CSTB: variants seen among roughly 807,000 people sequenced by gnomAD.
CSTB encodes cystatin B.
CSTB carries 8 observed loss-of-function variants against 7.6 expected under a neutral mutation model. The ratio of observed to expected loss-of-function variants is 1.05; its 90% CI spans 0.62 to 1.89. The LOEUF (loss-of-function observed/expected upper bound fraction) is 1.89. CSTB is among the 40% of genes most tolerant of loss of function. The probability of loss-of-function intolerance (pLI) is 0.00; values close to 1 mark genes in which losing one functional copy is unlikely to be tolerated. For synonymous variants in CSTB, 56 were observed against 55.3 expected, an observed-to-expected ratio of 1.01 and a Z score of -0.06; for missense variants, 124 against 126.4, an observed-to-expected ratio of 0.98 and a Z score of 0.09.
chr21:43,774,920 T>A, intron 1 of CSTB, 161 bp from the exon 2 acceptor site: 2 of 693,580 alleles, frequency 2.9e-6, no homozygotes, highest in African/African-American at 1.8e-5. Context: ...AGCCTAATAA[T>A]AAAGTAGAAA....
intron 2 of CSTB, 80 bp from the exon 3 acceptor site, chr21:43,774,410 GAA>G: frequency 6.2e-7 from 1 of 1,605,776 alleles, no homozygotes; most frequent in Admixed American, 1.7e-5. Context: ...GCAGCCAGCT[GAA>G]GACAATCTTG....
intron 1 of CSTB, 188 bp downstream of exon 1, chr21:43,776,016 A>G: frequency 2.0e-6 from 1 of 495,854 alleles, no homozygotes; most frequent in South Asian, 3.2e-5. Context: ...GCGGCGCCCC[A>G]GGCGCGGCCC....
At position 43,774,174 on chromosome 21, in the gene CSTB, G is replaced by A. The variant is rs1356378444; in HGVS notation, c.*28C>T. 3.1e-6 allele frequency: 5 copies of A among 1,614,122 alleles called. No homozygotes were observed. In the South Asian group the frequency reaches 4.4e-5, roughly 14 times the overall value. On this transcript the variant is annotated 3_prime_UTR_variant, in exon 3 of 3. Transcript: ENST00000291568. ...CGGAGGATGACTTTGTCAGTCTTCT[G>A]GCTGAAGGGCCTTGTCCAAAGTCAG...
Position 43,776,299 on chromosome 21 carries a change from G to A in CSTB, c.-30C>T, listed in dbSNP as rs1388604204. The A allele has an allele frequency of 6.6e-7, 1 of 1,516,938 alleles. No homozygotes were observed. Among genetic ancestry groups the A allele is most frequent in the Admixed American group, 2.0e-5 (1 of 48,980 alleles). 94.0% of individuals were successfully genotyped at this position (1,516,938 alleles called of 1,614,324 possible). A position where few individuals can be genotyped will look rare whatever the true frequency, so the allele number is the denominator to read the frequency against. Reference sequence around the variant, plus strand: ...GCGGCGACGGAGGGAATCTGGCGAGGGGACTCGGCGAGGGGACGCGGCGGC... The same window carrying A: ...GCGGCGACGGAGGGAATCTGGCGAGAGGACTCGGCGAGGGGACGCGGCGGC... On this transcript the variant is annotated 5_prime_UTR_variant, in exon 1 of 3. Coordinates refer to ENST00000291568, the MANE Select transcript of CSTB (RefSeq NM_000100.4).
At chr21:43,775,442 G>A (rs2123386940) in intron 1 of CSTB, 1 of 153,852 alleles carries the variant, frequency 6.5e-6, no homozygotes, top group African/African-American at 2.4e-5. Flanking sequence ...CCGAGACACA[G>A]GGAAGGTTGC....
Position 43,774,939 on chromosome 21 carries a change from TC to T in CSTB, c.67-181del, listed in dbSNP as rs6380. On this transcript the variant is annotated intron_variant, in intron 1 of 2. Coordinates refer to ENST00000291568, the MANE Select transcript of CSTB (RefSeq NM_000100.4). The stretch of plus-strand genomic sequence containing the variant: ...TAATAATAAAGTAGAAAAAAACAGT[TC>T]CAGCTGGGTACGGTGGCTCAAGGAT... 550 of 667,194 alleles carry T rather than the reference TC, an allele frequency of 8.2e-4. 4 individuals carry two copies. The African/African-American group carries it at 9.2e-3, about 11-fold the overall frequency. 41.3% of individuals were successfully genotyped at this position (667,194 alleles called of 1,614,324 possible).
In CSTB at chr21:43,774,671, T is replaced by G; in HGVS notation, c.155A>C (p.Asn52Thr). The change falls in exon 2 of 3, where the codon AAC becomes ACC. Residue 52 changes from asparagine to threonine, a missense_variant. Transcript: ENST00000291568. ...SFKSQVVAGT[N>T]YFIKVHVGDE... ...CCCACACTCTACCTTGATGAAGTAGTTTGTCCCCGCGACCACCTGGCTCTT... is the reference window on the plus strand; with the variant it reads ...CCCACACTCTACCTTGATGAAGTAGGTTGTCCCCGCGACCACCTGGCTCTT... The G allele has an allele frequency of 6.2e-7, 1 of 1,613,812 alleles. No individual in the cohort carries two copies. The highest frequency in any genetic ancestry group is 8.5e-7 in the Non-Finnish European group (1 of 1,179,732).
At chr21:43,774,793 T>G in intron 1 of CSTB, 34 bp from the exon 2 acceptor site, 1 of 1,529,558 alleles carries the variant, frequency 6.5e-7, no homozygotes, top group Non-Finnish European at 9.1e-7. Context: ...GATGTCTCAG[T>G]GGCTTCTTGG....
At chr21:43,776,175 G>A (rs987633645) in intron 1 of CSTB, 29 bp downstream of exon 1, 1 of 1,523,440 alleles carries the variant, frequency 6.6e-7, no homozygotes, top group Non-Finnish European at 8.8e-7. Context: ...CAGGACTCCG[G>A]GCCGGCCCCG....
In CSTB at chr21:43,776,096, A is replaced by G. The variant is rs6370; in HGVS notation, c.66+108T>C. 2,499 of 1,062,914 alleles carry G rather than the reference A, an allele frequency of 2.4e-3. 48 individuals are homozygous for G. The African/African-American group carries it at 0.038, about 16-fold the overall frequency. The allele number at this position is 1,062,914 out of a possible 1,614,324, so 65.8% of individuals were successfully genotyped here. ...TCACGGCCACAGCCCGGGCCAGCCC[A>G]GGGGTGCGCAGCGGGGCCAAAGCGG... On this transcript the variant is annotated intron_variant, in intron 1 of 2. Transcript: ENST00000291568.
intron 1 of CSTB, 88 bp from the exon 2 acceptor site, chr21:43,774,847 A>G: frequency 1.1e-6 from 1 of 884,702 alleles, no homozygotes; most frequent in Non-Finnish European, 1.9e-6. Context: ...GAGCACACAC[A>G]CGATTCTGAC....
At position 43,774,251 on chromosome 21, in the gene CSTB, G is replaced by A; in HGVS notation, c.248C>T (p.Ser83Phe). The change falls in exon 3 of 3, where the codon TCT becomes TTT. Residue 83 changes from serine to phenylalanine, a missense_variant. Ser to Phe is a radical substitution (Grantham distance 155, BLOSUM62 -2). Transcript: ENST00000291568. ...LPHENKPLTL[S>F]NYQTNKAKHD... ...CTTGGCTTTGTTGGTCTGGTAGTTA[G>A]ATAAGGTCAAGGGCTTGTTTTCATG... 6.2e-7 allele frequency: 1 copy of A among 1,614,228 alleles called. No homozygotes were observed. The highest frequency in any genetic ancestry group is 8.5e-7 in the Non-Finnish European group (1 of 1,180,046).
chr21:43,776,291 C>G lies in CSTB; in HGVS notation c.-22G>C. 6.5e-7 allele frequency: 1 copy of G among 1,528,242 alleles called. No homozygotes were observed. Among genetic ancestry groups the G allele is most frequent in the Non-Finnish European group, 8.8e-7 (1 of 1,139,574 alleles). 94.7% of individuals were successfully genotyped at this position (1,528,242 alleles called of 1,614,324 possible). A position where few individuals can be genotyped will look rare whatever the true frequency, so the allele number is the denominator to read the frequency against. On this transcript the variant is annotated 5_prime_UTR_variant, in exon 1 of 3. Coordinates refer to ENST00000291568, the MANE Select transcript of CSTB (RefSeq NM_000100.4). ...TCATCTTGGCGGCGACGGAGGGAAT[C>G]TGGCGAGGGGACTCGGCGAGGGGAC...
At position 43,774,101 on chromosome 21, in the gene CSTB, C is replaced by A; in HGVS notation, c.*101G>T. On this transcript the variant is annotated 3_prime_UTR_variant, in exon 3 of 3. Coordinates refer to ENST00000291568, the MANE Select transcript of CSTB (RefSeq NM_000100.4). ...GCCCCTTCCACCCCAAGGGGCACAG[C>A]CCGGAGATGAAGCTTATTTTAGGAT... 6.6e-7 allele frequency: 1 copy of A among 1,526,454 alleles called. No homozygotes were observed. The highest frequency in any genetic ancestry group is 9.1e-7 in the Non-Finnish European group (1 of 1,102,428). 94.6% of individuals were successfully genotyped at this position (1,526,454 alleles called of 1,614,324 possible).
chr21:43,774,202 T>C lies in CSTB; in HGVS notation c.297A>G (p.Ter99TrpextTer2), dbSNP rs768327092. 1 of 1,614,206 alleles carries C rather than the reference T, an allele frequency of 6.2e-7. No individual in the cohort carries two copies. The highest frequency in any genetic ancestry group is 1.1e-5 in the South Asian group (1 of 91,086). ...TGAAGGGCCTTGTCCAAAGTCAGGATCAGAAATAGGTCAGCTCATCATGCT... is the reference window on the plus strand; with the variant it reads ...TGAAGGGCCTTGTCCAAAGTCAGGACCAGAAATAGGTCAGCTCATCATGCT... ...KAKHDELTYF* is the reference protein window; with the variant it reads ...KAKHDELTYFW The change falls in exon 3 of 3, where the codon TGA (stop) becomes TGG (tryptophan). Residue 99 changes from the stop codon to tryptophan (W), a stop_lost. Transcript: ENST00000291568.
chr21:43,775,969 G>T (rs776161816), intron 1 of CSTB: 1 of 449,714 alleles, frequency 2.2e-6, no homozygotes. Context: ...ATTCCCACTC[G>T]CCCTTGCTGT....
Position 43,776,211 on chromosome 21 carries a change from G to A in CSTB, c.59C>T (p.Ala20Val). The A allele has an allele frequency of 6.5e-7, 1 of 1,532,748 alleles. No individual in the cohort carries two copies. 94.9% of individuals were successfully genotyped at this position (1,532,748 alleles called of 1,614,324 possible). ...TCCCCGCGGCCCACCCACCTGGTCGGCGATGTGCTGGGTCTCGGCGGTGGC... is the reference window on the plus strand; with the variant it reads ...TCCCCGCGGCCCACCCACCTGGTCGACGATGTGCTGGGTCTCGGCGGTGGC... Reference protein sequence around the residue: ...QPATAETQHIADQVRSQLEEK... With the variant: ...QPATAETQHIVDQVRSQLEEK... The change falls in exon 1 of 3, where the codon GCC (alanine) becomes GTC (valine). Residue 20 changes from alanine (A) to valine (V), a missense_variant. Coordinates refer to ENST00000291568, the MANE Select transcript of CSTB (RefSeq NM_000100.4).
At chr21:43,776,111 G>T in intron 1 of CSTB, 93 bp downstream of exon 1, 1 of 1,203,326 alleles carries the variant, frequency 8.3e-7, no homozygotes, top group Non-Finnish European at 1.2e-6. Flanking sequence ...TGCGCAGCGG[G>T]GCCAAAGCGG....
Position 43,774,672 on chromosome 21 carries a change from T to C in CSTB, c.154A>G (p.Asn52Asp). 6.2e-7 allele frequency: 1 copy of C among 1,613,844 alleles called. No homozygotes were observed. The highest frequency in any genetic ancestry group is 8.5e-7 in the Non-Finnish European group (1 of 1,179,778). Reference sequence around the variant, plus strand: ...CCACACTCTACCTTGATGAAGTAGTTTGTCCCCGCGACCACCTGGCTCTTG... The same window carrying C: ...CCACACTCTACCTTGATGAAGTAGTCTGTCCCCGCGACCACCTGGCTCTTG... ...SFKSQVVAGT[N>D]YFIKVHVGDE... Residue 52 changes from asparagine to aspartate, a missense_variant, in exon 2 of 3, where the codon AAC becomes GAC. Physicochemically the swap from Asn to Asp is conservative, Grantham distance 23 (BLOSUM62 1). Transcript: ENST00000291568.
Sources: gnomAD v4.1 joint callset for allele counts on GRCh38, gnomAD v4.1.1 for gene constraint, MANE v1.5 for transcripts, NCBI Gene and HGNC (gene_info 2026-07-23, HGNC 2026-07-21) for gene names.